WWC1: variants seen among roughly 807,000 people sequenced by gnomAD.
WWC1 encodes the protein WW and C2 domain containing 1.
Under a neutral mutation model 138.4 loss-of-function variants are expected in WWC1, and 55 were observed. The observed-to-expected ratio is 0.40, with a 90% CI of 0.32 to 0.50. The LOEUF (loss-of-function observed/expected upper bound fraction) is 0.50, where lower values mean the gene tolerates loss of function less well. Ranked by LOEUF, WWC1 falls within the 20% of genes least tolerant of loss-of-function variation. WWC1 has a pLI of 0.72. For synonymous variants in WWC1, 524 were observed against 564.9 expected (o/e 0.93, Z 1.03); for missense variants, 1,226 against 1,420.4 (o/e 0.86, Z 2.20).
At chr5:168,344,284 A>G (rs1774283265) in intron 1 of WWC1, among the ~76,000 whole-genome samples, 1 of 152,232 alleles carries the variant, frequency 6.6e-6, no homozygotes, top group African/African-American at 2.4e-5. Context: ...AGCCTGCAGA[A>G]CTTTCATTTG....
At chr5:168,447,517 C>A (rs1468395022) in intron 17 of WWC1, among the ~76,000 whole-genome samples, 1 of 151,826 alleles carries the variant, frequency 6.6e-6, no homozygotes, top group East Asian at 1.9e-4. Context: ...TAATTTGCAC[C>A]TTTTCACCAA....
At chr5:168,466,173 T>C (rs1435956497) in intron 21 of WWC1, among the ~76,000 whole-genome samples, 4 of 152,138 alleles carry the variant, frequency 2.6e-5, no homozygotes, top group Non-Finnish European at 5.9e-5. Flanking sequence ...AAAAGCTGCT[T>C]ATTTGAGCTA....
chr5:168,422,122 T>A (rs1781136250), intron 10 of WWC1, 25 bp downstream of exon 10: 1 of 1,606,538 alleles, frequency 6.2e-7, no homozygotes, highest in South Asian at 1.1e-5. Flanking sequence ...GTGAGGCCAC[T>A]GCTCCCCTGG....
chr5:168,373,621 T>C (rs960783487), intron 2 of WWC1, among the ~76,000 whole-genome samples: 2 of 150,430 alleles, frequency 1.3e-5, no homozygotes, highest in African/African-American at 4.9e-5. Context: ...TGTTTGCATG[T>C]GTCTATAGTC....
Position 168,471,163 on chromosome 5 carries a change from T to A in WWC1, c.*2146T>A, listed in dbSNP as rs1757656348. 6.6e-6 allele frequency: 1 copy of A among 152,472 alleles called. No individual in the cohort carries two copies. Among genetic ancestry groups the A allele is most frequent in the Non-Finnish European group, 1.5e-5 (1 of 68,304 alleles). The allele number at this position is 152,472 out of a possible 1,614,324, so 9.4% of individuals were successfully genotyped here. A position where few individuals can be genotyped will look rare whatever the true frequency, so the allele number is the denominator to read the frequency against. ...GAGGCTCTTCCCCCTCTCCCCAGCA[T>A]ACTCCTTACCTGGCTGTCTCTCCTC... On this transcript the variant is annotated 3_prime_UTR_variant, in exon 23 of 23. Transcript: ENST00000265293.
intron 2 of WWC1, among the ~76,000 whole-genome samples, chr5:168,380,070 C>T (rs902546338): frequency 2.0e-5 from 3 of 152,130 alleles, no homozygotes; most frequent in Non-Finnish European, 4.4e-5. Context: ...AAAAGACAAG[C>T]CACAGATAAG....
At chr5:168,412,943 G>A (rs1332501413) in intron 8 of WWC1, among the ~76,000 whole-genome samples, 1 of 152,168 alleles carries the variant, frequency 6.6e-6, no homozygotes, top group African/African-American at 2.4e-5. Flanking sequence ...ATCCCCTGCA[G>A]ATACCAAGGG....
At chr5:168,361,094 GA>G (rs1208532500) in intron 1 of WWC1, among the ~76,000 whole-genome samples, 2 of 152,204 alleles carry the variant, frequency 1.3e-5, no homozygotes, top group Non-Finnish European at 2.9e-5. Context: ...GTGCATGAAT[GA>G]ATGCAAGAAC....
intron 5 of WWC1, among the ~76,000 whole-genome samples, chr5:168,403,724 C>T (rs1335742385): frequency 1.1e-4 from 16 of 152,104 alleles, no homozygotes; most frequent in Admixed American, 9.2e-4. Context: ...CGAGCCCTGC[C>T]GTGCCCAGGC....
chr5:168,326,216 C>CTTTTTTTTTT (rs796347858), intron 1 of WWC1, among the ~76,000 whole-genome samples: 4 of 113,280 alleles, frequency 3.5e-5, no homozygotes, highest in Non-Finnish European at 3.5e-5. Flanking sequence ...ACCTGATAGT[C>CTTTTTTTTTT]TTTTTTTTTT....
intron 17 of WWC1, among the ~76,000 whole-genome samples, chr5:168,445,701 C>CAAAAAAAAAAAAAAAAA (rs763044458): frequency 2.0e-5 from 1 of 50,684 alleles, no homozygotes; most frequent in African/African-American, 7.1e-5. Context: ...GACTCTGTCT[C>CAAAAAAAAAAAAAAAAA]AAAAAAAAAA....
intron 1 of WWC1, among the ~76,000 whole-genome samples, chr5:168,357,170 T>A (rs1264920774): frequency 6.6e-6 from 1 of 152,116 alleles, no homozygotes; most frequent in East Asian, 1.9e-4. Flanking sequence ...CAATGAGATC[T>A]TTCTTTCTTT....
At chr5:168,323,283 CACCTGTA>C (rs1414076866) in intron 1 of WWC1, among the ~76,000 whole-genome samples, 1 of 152,164 alleles carries the variant, frequency 6.6e-6, no homozygotes, top group Non-Finnish European at 1.5e-5. Context: ...CAGTGGCTCA[CACCTGTA>C]ACCCCAACAC....
At chr5:168,436,223 C>T (rs1327180417) in intron 15 of WWC1, among the ~76,000 whole-genome samples, 1 of 152,180 alleles carries the variant, frequency 6.6e-6, no homozygotes, top group Non-Finnish European at 1.5e-5. Context: ...GCCAGCTCTC[C>T]ATCTTCCTTC....
chr5:168,391,804 A>G, intron 3 of WWC1, among the ~76,000 whole-genome samples: 1 of 133,866 alleles, frequency 7.5e-6, no homozygotes, highest in African/African-American at 2.8e-5. Flanking sequence ...TGATTAGGGA[A>G]AATTGGAGAA....
chr5:168,421,385 G>T (rs1781079765), intron 9 of WWC1, among the ~76,000 whole-genome samples: 1 of 152,132 alleles, frequency 6.6e-6, no homozygotes, highest in Admixed American at 6.5e-5. Flanking sequence ...GTTCAAATTG[G>T]GCCTCTCCTT....
chr5:168,461,659 C>T (rs772026602), intron 20 of WWC1, among the ~76,000 whole-genome samples: 4 of 152,206 alleles, frequency 2.6e-5, no homozygotes, highest in Non-Finnish European at 5.9e-5. Flanking sequence ...TTAAGGGCTG[C>T]AGGAGATGCA....
chr5:168,382,549 G>T (rs563060702), intron 2 of WWC1, among the ~76,000 whole-genome samples: 5 of 152,278 alleles, frequency 3.3e-5, no homozygotes, highest in African/African-American at 1.2e-4. Context: ...TTTTCTGTGG[G>T]CTGTGCCAGC....
At chr5:168,449,126 A>G (rs1358509987) in intron 17 of WWC1, among the ~76,000 whole-genome samples, 1 of 151,478 alleles carries the variant, frequency 6.6e-6, no homozygotes, top group African/African-American at 2.4e-5. Flanking sequence ...CTGTTTCTGT[A>G]CCTTCACCAG....
Sources: gnomAD v4.1 joint callset for allele counts (sites outside exome capture counted in the v4.1 genomes callset) on GRCh38, gnomAD v4.1.1 for gene constraint, MANE v1.5 for transcripts, NCBI Gene and HGNC (gene_info 2026-07-23, HGNC 2026-07-21) for gene names.